DZIP1L: variants seen among roughly 807,000 people sequenced by gnomAD.
DZIP1L encodes the protein DAZ interacting zinc finger protein 1 like.
Under a neutral mutation model 88.7 loss-of-function variants are expected in DZIP1L, and 90 were observed. The ratio of observed to expected loss-of-function variants is 1.02; its 90% CI spans 0.86 to 1.21. DZIP1L has a LOEUF of 1.21. Among genes scored for constraint, DZIP1L ranks in the 50% most tolerant of loss-of-function variants. The pLI, the probability that DZIP1L is intolerant of heterozygous loss-of-function variation, is 0.00. For synonymous variants in DZIP1L, 363 were observed against 372.1 expected, an observed-to-expected ratio of 0.98 and a Z score of 0.28; for missense variants, 932 against 955.8, an observed-to-expected ratio of 0.98 and a Z score of 0.33.
intron 1 of DZIP1L, among the ~76,000 whole-genome samples, chr3:138,104,974 C>A (rs2042439487): frequency 6.6e-6 from 1 of 152,054 alleles, no homozygotes; most frequent in Non-Finnish European, 1.5e-5. Flanking sequence ...ATTGTAGCAT[C>A]TTTTATAAAA....
Position 138,068,225 on chromosome 3 carries a change from C to T in DZIP1L, c.1758G>A (p.Gln586=), listed in dbSNP as rs751455995. The T allele has an allele frequency of 3.1e-6, 5 of 1,593,442 alleles. No homozygotes were observed. The highest frequency in any genetic ancestry group is 4.3e-6 in the Non-Finnish European group (5 of 1,169,482). Residue 586 remains glutamine (Q), a synonymous_variant, in exon 13 of 16, where the codon CAG becomes CAA. Coordinates refer to ENST00000327532, the MANE Select transcript of DZIP1L (RefSeq NM_173543.3). The part of the protein sequence containing the change: ...SHGSHGSSLT[Q]VSAPAPRPGL... Reference sequence around the variant, plus strand: ...CGGGGCGTGGAGCGGGGGCGGACACCTGGGTCAGGCTGGAGCCATGGCTGC... The same window carrying T: ...CGGGGCGTGGAGCGGGGGCGGACACTTGGGTCAGGCTGGAGCCATGGCTGC...
intron 1 of DZIP1L, among the ~76,000 whole-genome samples, chr3:138,107,638 G>A (rs2042535059): frequency 6.6e-6 from 1 of 152,042 alleles, no homozygotes; most frequent in Non-Finnish European, 1.5e-5. Context: ...TGATTCTTGG[G>A]GCTATTCCTC....
intron 7 of DZIP1L, among the ~76,000 whole-genome samples, 154 bp from the exon 8 acceptor site, chr3:138,084,407 C>G (rs1272729756): frequency 6.6e-6 from 1 of 152,198 alleles, no homozygotes; most frequent in Admixed American, 6.5e-5. Flanking sequence ...ACCTTCCAGT[C>G]TGGGGACATT....
At chr3:138,079,349 A>T (rs1466671985) in intron 10 of DZIP1L, among the ~76,000 whole-genome samples, 1 of 152,226 alleles carries the variant, frequency 6.6e-6, no homozygotes, top group Non-Finnish European at 1.5e-5. Context: ...CCCAAGGTTA[A>T]ATGCACTGGG....
At position 138,061,999 on chromosome 3, in the gene DZIP1L, T is replaced by C. The variant is rs1002379998; in HGVS notation, c.*817A>G. 2 of 152,672 alleles carry C rather than the reference T, an allele frequency of 1.3e-5. No individual in the cohort carries two copies. Among genetic ancestry groups the C allele is most frequent in the African/African-American group, 4.8e-5 (2 of 41,466 alleles). 9.5% of individuals were successfully genotyped at this position (152,672 alleles called of 1,614,324 possible). On this transcript the variant is annotated 3_prime_UTR_variant, in exon 16 of 16. Coordinates refer to ENST00000327532, the MANE Select transcript of DZIP1L (RefSeq NM_173543.3). ...GAAATACATACCAGAGTTAAAAACATTGTACTATATTTAAATGTTTGCATA... is the reference window on the plus strand; with the variant it reads ...GAAATACATACCAGAGTTAAAAACACTGTACTATATTTAAATGTTTGCATA...
rs1942760724 is a variant in DZIP1L, at chr3:138,063,078, G to C, written c.2143-101C>G. The C allele has an allele frequency of 3.8e-6, 5 of 1,324,666 alleles. No homozygotes were observed. Among genetic ancestry groups the C allele is most frequent in the Non-Finnish European group, 5.2e-6 (5 of 958,172 alleles). The allele number at this position is 1,324,666 out of a possible 1,614,324, so 82.1% of individuals were successfully genotyped here. ...GATGGGAATGCAGAATGGAAATGGG[G>C]ACAAATGCAGACTGGGAAGAAAGCA... On this transcript the variant is annotated intron_variant, in intron 15 of 15. Transcript: ENST00000327532. This position sits in a 1 kb window ranked among gnomAD's most constrained non-coding sequence, Gnocchi z 4.1.
chr3:138,096,473 G>A (rs1559853209), intron 3 of DZIP1L, among the ~76,000 whole-genome samples: 1 of 152,094 alleles, frequency 6.6e-6, no homozygotes, highest in East Asian at 1.9e-4. Context: ...AATGACATTG[G>A]AAAATAAGAC....
intron 14 of DZIP1L, among the ~76,000 whole-genome samples, chr3:138,067,100 G>T (rs528468717): frequency 8.5e-4 from 130 of 152,250 alleles, no homozygotes; most frequent in Middle Eastern, 3.4e-3. Flanking sequence ...CCTCAAGTGC[G>T]GGTTGTTCCT....
rs556276730 is a variant in DZIP1L, at chr3:138,071,780, A to T, written c.1478T>A (p.Val493Asp). Residue 493 changes from valine (V) to aspartate (D), a missense_variant, in exon 12 of 16, where the codon GTC becomes GAC. Val to Asp is a radical substitution (Grantham distance 152). Transcript: ENST00000327532. ...TLRHLESLLR[V>D]QREQKARKFS... Reference sequence around the variant, plus strand: ...CTTCCGGGCCTTCTGCTCCCGCTGGACTCTCAGCAGGGATTCCAGGTGTCT... The same window carrying T: ...CTTCCGGGCCTTCTGCTCCCGCTGGTCTCTCAGCAGGGATTCCAGGTGTCT... The T allele has an allele frequency of 2.8e-5, 45 of 1,614,008 alleles. No individual in the cohort carries two copies. The South Asian group carries it at 4.9e-4, about 18-fold the overall frequency.
intron 1 of DZIP1L, 128 bp from the exon 2 acceptor site, chr3:138,104,180 T>C (rs2042412102): frequency 1.2e-6 from 1 of 847,578 alleles, no homozygotes; most frequent in African/African-American, 1.7e-5. Flanking sequence ...ATTCATGGTG[T>C]GTGCTGACAT....
chr3:138,080,780 C>T (rs543687457), intron 9 of DZIP1L, among the ~76,000 whole-genome samples, 160 bp from the exon 10 acceptor site: 37 of 152,320 alleles, frequency 2.4e-4, no homozygotes, highest in African/African-American at 8.7e-4. Flanking sequence ...ACACTGGCGG[C>T]AGAAAGATCA....
chr3:138,099,863 T>C (rs745508209), intron 2 of DZIP1L, among the ~76,000 whole-genome samples: 3 of 152,212 alleles, frequency 2.0e-5, no homozygotes, highest in African/African-American at 4.8e-5. Context: ...CCAGCAGAAC[T>C]GTGAGTCAAA....
Position 138,103,651 on chromosome 3 carries a change from A to C in DZIP1L, c.321T>G (p.Ser107Arg). Residue 107 changes from serine to arginine, a missense_variant, in exon 2 of 16, where the codon AGT becomes AGG. Ser to Arg is a moderately radical substitution (Grantham distance 110). Coordinates refer to ENST00000327532, the MANE Select transcript of DZIP1L (RefSeq NM_173543.3). ...LLHCQDCLSA[S>R]VAQLEARLQT... ...GCAGCCGTGCCTCCAGCTGGGCAAC[A>C]CTGGCACTCAGGCAATCCTGGCAGT... The C allele has an allele frequency of 1.2e-6, 2 of 1,608,718 alleles. No individual in the cohort carries two copies. The highest frequency in any genetic ancestry group is 1.7e-6 in the Non-Finnish European group (2 of 1,179,536).
At chr3:138,086,566 A>T (rs1453702315) in intron 7 of DZIP1L, among the ~76,000 whole-genome samples, 1 of 152,142 alleles carries the variant, frequency 6.6e-6, no homozygotes, top group Non-Finnish European at 1.5e-5. Flanking sequence ...ACTATCACTG[A>T]GGCCCACAGC....
At chr3:138,075,758 T>G (rs189552983) in intron 11 of DZIP1L, among the ~76,000 whole-genome samples, 117 of 151,982 alleles carry the variant, frequency 7.7e-4, no homozygotes, top group African/African-American at 2.7e-3. Context: ...GAGGCCGAGG[T>G]GGGTGGATCA....
At chr3:138,066,322 C>T (rs1942896255) in intron 14 of DZIP1L, among the ~76,000 whole-genome samples, 2 of 152,190 alleles carry the variant, frequency 1.3e-5, no homozygotes, top group African/African-American at 4.8e-5. Context: ...TGATATTTAA[C>T]TCTATGACCA....
At chr3:138,101,609 T>G (rs2042314528) in intron 2 of DZIP1L, 5 of 796,570 alleles carry the variant, frequency 6.3e-6, no homozygotes. Context: ...GAGCCAAAGC[T>G]GGAGCCCAGG....
chr3:138,078,813 T>C (rs1349418383), intron 10 of DZIP1L, among the ~76,000 whole-genome samples: 1 of 152,338 alleles, frequency 6.6e-6, no homozygotes, highest in East Asian at 1.9e-4. Flanking sequence ...TGCGGAGCTT[T>C]AAATGCTACT....
intron 5 of DZIP1L, among the ~76,000 whole-genome samples, chr3:138,091,459 A>C (rs1944219670): frequency 6.6e-6 from 1 of 151,754 alleles, no homozygotes; most frequent in Non-Finnish European, 1.5e-5. Context: ...CTCTATGAAA[A>C]ATACAAAAAT....
Sources: gnomAD v4.1 joint callset for allele counts (sites outside exome capture counted in the v4.1 genomes callset) on GRCh38, gnomAD v4.1.1 for gene constraint, Gnocchi (gnomAD v3.1) non-coding constraint, MANE v1.5 for transcripts, NCBI Gene and HGNC (gene_info 2026-07-23, HGNC 2026-07-21) for gene names.